PDE1C: variants seen among roughly 807,000 people sequenced by gnomAD.
The protein encoded by PDE1C is phosphodiesterase 1C.
A neutral mutation model predicts 93.1 loss-of-function variants in PDE1C; 62 were observed. The observed-to-expected ratio is 0.67, with a 90% CI of 0.54 to 0.82. The LOEUF is 0.82. PDE1C is among the 40% of genes least tolerant of loss of function. The probability of loss-of-function intolerance (pLI) is 0.00; values close to 1 mark genes in which losing one functional copy is unlikely to be tolerated. For synonymous variants in PDE1C, 325 were observed against 310.1 expected, an observed-to-expected ratio of 1.05 and a Z score of -0.50; for missense variants, 742 against 884.6, an observed-to-expected ratio of 0.84 and a Z score of 2.04.
downstream of PDE1C, among the ~76,000 whole-genome samples, chr7:31,746,773 AT>A (rs200620532): frequency 2.0e-5 from 3 of 151,686 alleles, no homozygotes; most frequent in East Asian, 1.9e-4. Context: ...AAATTAGGGA[AT>A]TTTTTTTTCC....
At chr7:31,982,762 T>C (rs1441172350) in intron 2 of PDE1C, among the ~76,000 whole-genome samples, 1 of 151,970 alleles carries the variant, frequency 6.6e-6, no homozygotes, top group East Asian at 1.9e-4. Flanking sequence ...CTTGCCCACA[T>C]GTTTGAAAAA....
At chr7:31,754,579 G>A (rs912952105) in intron 17 of PDE1C, among the ~76,000 whole-genome samples, 7 of 152,172 alleles carry the variant, frequency 4.6e-5, no homozygotes, top group Non-Finnish European at 1.0e-4. Context: ...TAACTATCAA[G>A]CTATGGAAAG....
the PDE1C span, among the ~76,000 whole-genome samples, chr7:31,621,287 C>G: frequency 1.2e-5 from 1 of 85,202 alleles, no homozygotes; most frequent in African/African-American, 4.2e-5. Flanking sequence ...AGAAGAGCAA[C>G]TCCAAGACAC....
intron 1 of PDE1C, among the ~76,000 whole-genome samples, chr7:32,420,704 A>G (rs989720437): frequency 1.3e-5 from 2 of 149,552 alleles, no homozygotes; most frequent in African/African-American, 2.5e-5. Flanking sequence ...ACAAACTAAA[A>G]TTAATAACTG....
chr7:32,346,200 T>C (rs1329463911), intron 1 of PDE1C, among the ~76,000 whole-genome samples: 1 of 152,240 alleles, frequency 6.6e-6, no homozygotes, highest in Non-Finnish European at 1.5e-5. Context: ...GAACTTAGGA[T>C]TGAATGTACT....
chr7:32,146,121 C>A (rs748401230), intron 3 of PDE1C, among the ~76,000 whole-genome samples: 2 of 152,088 alleles, frequency 1.3e-5, no homozygotes, highest in Non-Finnish European at 2.9e-5. Flanking sequence ...CAAGGACTTC[C>A]CAGGACTCTA....
At chr7:32,001,149 G>T (rs1357764241) in intron 2 of PDE1C, among the ~76,000 whole-genome samples, 1 of 152,122 alleles carries the variant, frequency 6.6e-6, no homozygotes, top group Non-Finnish European at 1.5e-5. Flanking sequence ...CATTCTTAAA[G>T]AATACAGAAG....
At position 31,757,222 on chromosome 7, in the gene PDE1C, G is replaced by A. The variant is rs1386373941; in HGVS notation, c.1961-3669C>T. 2.0e-5 allele frequency among the ~76,000 whole-genome samples: 3 copies of A among 152,092 alleles called. No individual in the cohort carries two copies. The South Asian group carries it at 6.2e-4, about 32-fold the overall frequency. ...GATATATTATCTAACCTCATTACTA[G>A]AAAATATAAACATATGTGCATAGGA... On this transcript the variant is annotated intron_variant, in intron 17 of 17. Coordinates refer to ENST00000396191, the MANE Select transcript of PDE1C (RefSeq NM_001191057.4).
chr7:32,419,373 AAGAG>A (rs1396529715), intron 1 of PDE1C, among the ~76,000 whole-genome samples: 1 of 152,178 alleles, frequency 6.6e-6, no homozygotes, highest in Admixed American at 6.5e-5. Context: ...AACAGAGAGA[AAGAG>A]AGAGAGCAAA....
chr7:32,212,823 C>T (rs1157236990), intron 1 of PDE1C, among the ~76,000 whole-genome samples: 1 of 152,158 alleles, frequency 6.6e-6, no homozygotes, highest in Non-Finnish European at 1.5e-5. Context: ...ACTCCCCTTC[C>T]CACACCTGCC....
intron 1 of PDE1C, among the ~76,000 whole-genome samples, chr7:32,359,102 G>A (rs1278885205): frequency 2.0e-5 from 3 of 152,100 alleles, no homozygotes; most frequent in Admixed American, 2.0e-4. Flanking sequence ...CCCACCTTTG[G>A]TATATAAGCT....
chr7:32,089,508 G>A (rs916528409), intron 3 of PDE1C, among the ~76,000 whole-genome samples: 10 of 152,194 alleles, frequency 6.6e-5, no homozygotes, highest in African/African-American at 2.2e-4. Context: ...CAGCTTTAAA[G>A]ATTTGAGAAT....
chr7:31,674,294 T>G, the PDE1C span, among the ~76,000 whole-genome samples: 1 of 152,278 alleles, frequency 6.6e-6, no homozygotes, highest in South Asian at 2.1e-4. Context: ...GATAGAAGAA[T>G]GAATAGAGAG....
chr7:31,970,085 A>G (rs1810712632), intron 2 of PDE1C, among the ~76,000 whole-genome samples: 1 of 152,202 alleles, frequency 6.6e-6, no homozygotes, highest in Non-Finnish European at 1.5e-5. Context: ...TGGCACAGGT[A>G]TACATATGTA....
chr7:32,075,785 C>T (rs1052564798), upstream of PDE1C, among the ~76,000 whole-genome samples: 3 of 152,114 alleles, frequency 2.0e-5, no homozygotes, highest in Non-Finnish European at 4.4e-5. Context: ...GCATGTGACC[C>T]ACAGTTTCTG....
chr7:32,047,788 G>A (rs906111202), intron 2 of PDE1C, among the ~76,000 whole-genome samples: 7 of 152,030 alleles, frequency 4.6e-5, no homozygotes, highest in South Asian at 2.1e-4. Flanking sequence ...CAAGAAAAGC[G>A]TAAACAAATG....
chr7:32,156,813 G>C (rs1182286496), intron 3 of PDE1C, among the ~76,000 whole-genome samples: 2 of 152,166 alleles, frequency 1.3e-5, no homozygotes, highest in Admixed American at 1.3e-4. Context: ...AAGTTTGTTG[G>C]GAAAAAGGTT....
At chr7:31,861,831 A>G (rs1443181731) in intron 7 of PDE1C, among the ~76,000 whole-genome samples, 1 of 152,116 alleles carries the variant, frequency 6.6e-6, no homozygotes, top group Admixed American at 6.6e-5. Context: ...ATCAGGTCAC[A>G]TCACTTCCCT....
intron 2 of PDE1C, among the ~76,000 whole-genome samples, chr7:31,888,249 C>CAAAAAAAAA (rs34112969): frequency 1.4e-3 from 60 of 44,164 alleles, no homozygotes; most frequent in African/African-American, 4.4e-3. Context: ...GACTCAGTCT[C>CAAAAAAAAA]AAAAAAAAAA....
Sources: gnomAD v4.1 joint callset for allele counts (sites outside exome capture counted in the v4.1 genomes callset) on GRCh38, gnomAD v4.1.1 for gene constraint, MANE v1.5 for transcripts, NCBI Gene and HGNC (gene_info 2026-07-23, HGNC 2026-07-21) for gene names.